C1orf94: variants seen among roughly 807,000 people sequenced by gnomAD.
The protein encoded by C1orf94 is chromosome 1 open reading frame 94, also known as uncharacterized protein C1orf94.
In C1orf94, 45 loss-of-function variants were observed where a neutral mutation model predicts 53.6. The observed-to-expected ratio is 0.84, with a 90% CI of 0.66 to 1.08. The LOEUF is 1.08. Ranked by LOEUF, C1orf94 falls within the 50% of genes least tolerant of loss-of-function variation. The pLI is 0.00. For missense variants in C1orf94, 762 were observed against 738.9 expected, an observed-to-expected ratio of 1.03 and a Z score of -0.36; for synonymous variants, 304 against 296.1, an observed-to-expected ratio of 1.03 and a Z score of -0.27.
At chr1:34,212,431 T>C in intron 6 of C1orf94, 25 bp downstream of exon 6, 1 of 1,587,056 alleles carries the variant, frequency 6.3e-7, no homozygotes, top group Non-Finnish European at 8.6e-7. Context: ...ACTGGGAGCC[T>C]AAGGGTATCC....
At chr1:34,198,884 G>A (rs569143717) in intron 2 of C1orf94, among the ~76,000 whole-genome samples, 2 of 152,206 alleles carry the variant, frequency 1.3e-5, no homozygotes, top group East Asian at 1.9e-4. Flanking sequence ...CTGTAGGAGA[G>A]AGACGGTTGA....
intron 1 of C1orf94, among the ~76,000 whole-genome samples, chr1:34,179,587 C>A (rs761294447): frequency 3.3e-5 from 5 of 152,256 alleles, no homozygotes; most frequent in Non-Finnish European, 7.3e-5. Context: ...GCCTTTACTT[C>A]CTCATTTGCA....
At chr1:34,207,774 A>G (rs776947757) in intron 4 of C1orf94, among the ~76,000 whole-genome samples, 2 of 152,192 alleles carry the variant, frequency 1.3e-5, no homozygotes, top group Non-Finnish European at 2.9e-5. Flanking sequence ...AGCAACAAAG[A>G]TAATGTGGCT....
chr1:34,170,330 A>C (rs1439949908), intron 1 of C1orf94, among the ~76,000 whole-genome samples: 1 of 152,210 alleles, frequency 6.6e-6, no homozygotes, highest in East Asian at 1.9e-4. Context: ...AGCGTTAAAC[A>C]GCAAAGCATG....
intron 1 of C1orf94, among the ~76,000 whole-genome samples, chr1:34,189,949 C>T (rs1642456342): frequency 6.6e-6 from 1 of 152,204 alleles, no homozygotes; most frequent in South Asian, 2.1e-4. Context: ...CTTGCTCTTT[C>T]TCCTTCTTCC....
At chr1:34,192,098 A>G (rs2148615744) in intron 1 of C1orf94, among the ~76,000 whole-genome samples, 1 of 152,280 alleles carries the variant, frequency 6.6e-6, no homozygotes, top group Admixed American at 6.5e-5. Flanking sequence ...GTGATAGATT[A>G]GGTGGTTTTT....
intron 2 of C1orf94, among the ~76,000 whole-genome samples, chr1:34,198,170 T>C (rs1045768982): frequency 3.3e-5 from 5 of 152,100 alleles, no homozygotes; most frequent in African/African-American, 9.7e-5. Flanking sequence ...AGAAGAGAAA[T>C]AGGCGCCATG....
chr1:34,169,816 G>T (rs147628751), intron 1 of C1orf94, among the ~76,000 whole-genome samples: 2 of 152,336 alleles, frequency 1.3e-5, no homozygotes, highest in East Asian at 3.9e-4. Flanking sequence ...CCAAGGGCGA[G>T]GCTATCACCA....
At chr1:34,199,757 C>G (rs1642665760) in intron 2 of C1orf94, among the ~76,000 whole-genome samples, 1 of 152,214 alleles carries the variant, frequency 6.6e-6, no homozygotes, top group Non-Finnish European at 1.5e-5. Context: ...TAGTGAGAAA[C>G]CTGTGTCTGC....
At chr1:34,183,210 C>T (rs879911621) in intron 1 of C1orf94, among the ~76,000 whole-genome samples, 1 of 152,236 alleles carries the variant, frequency 6.6e-6, no homozygotes, top group Non-Finnish European at 1.5e-5. Context: ...GCTGATTTAA[C>T]TCCAAAATCT....
intron 1 of C1orf94, among the ~76,000 whole-genome samples, chr1:34,185,051 C>T (rs1354418785): frequency 6.6e-6 from 1 of 152,166 alleles, no homozygotes; most frequent in Non-Finnish European, 1.5e-5. Flanking sequence ...TTGTCTGAAA[C>T]ACATCCTCAC....
At position 34,197,687 on chromosome 1, in the gene C1orf94, C is replaced by A. The variant is rs1642614875; in HGVS notation, c.783C>A (p.Asp261Glu). 3.7e-6 allele frequency: 6 copies of A among 1,614,164 alleles called. No homozygotes were observed. The highest frequency in any genetic ancestry group is 4.2e-6 in the Non-Finnish European group (5 of 1,180,032). Residue 261 changes from aspartate to glutamate, a missense_variant, in exon 2 of 7, where the codon GAC becomes GAA. Physicochemically the swap from Asp to Glu is conservative, Grantham distance 45 (BLOSUM62 2). Transcript: ENST00000488417. This position sits in a 1 kb window ranked among gnomAD's most constrained non-coding sequence, Gnocchi z 4.1. ...SKVPDNKNVL[D>E]KTRVTKDFLQ... ...TCCCTGACAACAAGAATGTGCTGGA[C>A]AAGACAAGGGTCACCAAGGACTTCC...
Position 34,208,234 on chromosome 1 carries a change from G to A in C1orf94, c.1524G>A (p.Gln508=), listed in dbSNP as rs1464777075. 1.2e-6 allele frequency: 2 copies of A among 1,613,460 alleles called. No homozygotes were observed. The highest frequency in any genetic ancestry group is 1.3e-5 in the African/African-American group (1 of 74,922). Residue 508 remains glutamine (Q), a splice_region_variant and synonymous_variant, in exon 5 of 7, where the codon CAG becomes CAA. Transcript: ENST00000488417. ...LHPQLGCYSQ[Q]VMPYNPQQMG... ...CGCAGCTGGGATGTTACTCCCAACA[G>A]GTGAGTAGACGATCTCTCCTCCTCT...
At chr1:34,173,822 G>C (rs1412112421), upstream of C1orf94, among the ~76,000 whole-genome samples, 1 of 152,174 alleles carries the variant, frequency 6.6e-6, no homozygotes, top group African/African-American at 2.4e-5. Flanking sequence ...TGGTGTCCAT[G>C]ACCATTAAAT....
intron 1 of C1orf94, among the ~76,000 whole-genome samples, chr1:34,183,529 C>T (rs2148612703): frequency 6.6e-6 from 1 of 152,300 alleles, no homozygotes; most frequent in South Asian, 2.1e-4. Context: ...TAGTGGGTGG[C>T]ATGAACACAG....
intron 2 of C1orf94, among the ~76,000 whole-genome samples, chr1:34,198,467 A>G (rs574040832): frequency 2.6e-5 from 4 of 152,260 alleles, no homozygotes; most frequent in African/African-American, 7.2e-5. Flanking sequence ...TTTATTGAGG[A>G]GCTCACATTC....
chr1:34,204,478 G>T (rs1283211534), intron 4 of C1orf94, among the ~76,000 whole-genome samples: 2 of 152,130 alleles, frequency 1.3e-5, no homozygotes, highest in Non-Finnish European at 2.9e-5. Flanking sequence ...GTAGTCTATT[G>T]TCATGGACCT....
chr1:34,210,859 T>C (rs1386638330), intron 5 of C1orf94, among the ~76,000 whole-genome samples: 2 of 151,900 alleles, frequency 1.3e-5, no homozygotes, highest in African/African-American at 2.4e-5. Flanking sequence ...TTCACCATAT[T>C]GGCCAGGCTG....
chr1:34,204,364 C>T (rs1278474696), intron 4 of C1orf94, among the ~76,000 whole-genome samples: 2 of 152,198 alleles, frequency 1.3e-5, no homozygotes, highest in South Asian at 4.2e-4. Context: ...AACAAGTACC[C>T]GTCCCCTCCC....
Sources: allele counts gnomAD v4.1 joint callset (sites outside exome capture counted in the v4.1 genomes callset), GRCh38; gene constraint gnomAD v4.1.1; non-coding constraint Gnocchi (gnomAD v3.1); transcripts MANE v1.5; gene names NCBI Gene and HGNC (gene_info 2026-07-23, HGNC 2026-07-21).